The following DACH1 variants were observed in gnomAD, a reference collection of about 807,000 sequenced individuals.
DACH1 encodes dachshund homolog 1.
In DACH1, 12 loss-of-function variants were observed where a neutral mutation model predicts 54.2. The observed-to-expected ratio is 0.22, with a 90% confidence interval of 0.14 to 0.36. The LOEUF is 0.36. Ranked by LOEUF, DACH1 falls within the 10% of genes least tolerant of loss-of-function variation. DACH1 has a pLI of 1.00. For synonymous variants in DACH1, 386 were observed against 366.2 expected (o/e 1.05, Z -0.62); for missense variants, 805 against 929.8 (o/e 0.87, Z 1.75).
At chr13:71,658,350 G>A (rs1182643748) in intron 2 of DACH1, among the ~76,000 whole-genome samples, 1 of 152,136 alleles carries the variant, frequency 6.6e-6, no homozygotes, top group East Asian at 1.9e-4. Context: ...AGGAGTTTGA[G>A]ACTAGCCTGG....
chr13:71,670,718 A>T (rs572728430), intron 2 of DACH1, among the ~76,000 whole-genome samples: 2 of 152,220 alleles, frequency 1.3e-5, no homozygotes, highest in East Asian at 3.9e-4. Context: ...TAGCAATGGC[A>T]TTGAATAAGA....
At chr13:71,511,388 T>C (rs1880765630) in intron 6 of DACH1, among the ~76,000 whole-genome samples, 1 of 151,634 alleles carries the variant, frequency 6.6e-6, no homozygotes. Flanking sequence ...CCAAAAAAAA[T>C]GTAGTGATAT....
intron 3 of DACH1, among the ~76,000 whole-genome samples, chr13:71,608,076 T>C (rs932441964): frequency 6.7e-6 from 1 of 149,818 alleles, no homozygotes; most frequent in Non-Finnish European, 1.5e-5. Context: ...TATATATATA[T>C]AAAATGGGTA....
At chr13:71,672,651 G>A (rs182001106) in intron 2 of DACH1, among the ~76,000 whole-genome samples, 90 of 152,192 alleles carry the variant, frequency 5.9e-4, no homozygotes, top group Non-Finnish European at 1.0e-3. Flanking sequence ...AGTTTATCTT[G>A]CTTTGCACTA....
At chr13:71,625,787 G>A (rs1876599454) in intron 3 of DACH1, among the ~76,000 whole-genome samples, 1 of 151,948 alleles carries the variant, frequency 6.6e-6, no homozygotes, top group African/African-American at 2.4e-5. Context: ...TTCAGAAAGA[G>A]AAAATACTAA....
chr13:71,444,035 T>C (rs1228408029), intron 10 of DACH1, among the ~76,000 whole-genome samples: 1 of 152,176 alleles, frequency 6.6e-6, no homozygotes, highest in Non-Finnish European at 1.5e-5. Flanking sequence ...ATATGAGTAA[T>C]ATATAATTAT....
chr13:71,603,106 T>C (rs1474829318), intron 3 of DACH1, among the ~76,000 whole-genome samples: 2 of 152,028 alleles, frequency 1.3e-5, no homozygotes, highest in Non-Finnish European at 2.9e-5. Flanking sequence ...TTGTCTACAA[T>C]TTGGTAGTGA....
chr13:71,617,786 G>A (rs147188259), intron 3 of DACH1, among the ~76,000 whole-genome samples: 33 of 152,152 alleles, frequency 2.2e-4, no homozygotes, highest in African/African-American at 7.0e-4. Context: ...ACTCACGGAC[G>A]TAGGCTTGGC....
intron 2 of DACH1, among the ~76,000 whole-genome samples, chr13:71,653,829 T>A (rs892538918): frequency 1.3e-5 from 2 of 152,144 alleles, no homozygotes; most frequent in African/African-American, 4.8e-5. Flanking sequence ...CCAGAAAATA[T>A]GAAAAGAATC....
At chr13:71,624,422 C>T (rs1425708768) in intron 3 of DACH1, among the ~76,000 whole-genome samples, 1 of 151,734 alleles carries the variant, frequency 6.6e-6, no homozygotes, top group East Asian at 1.9e-4. Context: ...TATTAATTGA[C>T]AGCTATCAGT....
intron 8 of DACH1, among the ~76,000 whole-genome samples, chr13:71,477,104 A>ATTTTTTTTTTTTTTTTTT (rs565497537): frequency 2.3e-5 from 1 of 43,254 alleles, no homozygotes; most frequent in African/African-American, 8.6e-5. Flanking sequence ...ATATATATAT[A>ATTTTTTTTTTTTTTTTTT]TTTTTTTTTT....
intron 1 of DACH1, among the ~76,000 whole-genome samples, chr13:71,837,920 C>T (rs994475200): frequency 2.2e-4 from 31 of 143,012 alleles, no homozygotes; most frequent in African/African-American, 2.9e-4. Context: ...AACCAAACAC[C>T]GCATATTCTC....
intron 1 of DACH1, among the ~76,000 whole-genome samples, chr13:71,836,421 A>G (rs1566532746): frequency 1.3e-5 from 2 of 152,082 alleles, no homozygotes; most frequent in Admixed American, 6.6e-5. Context: ...CACAGACTTT[A>G]AAAAACGTGC....
Position 71,521,561 on chromosome 13 carries a change from G to A in DACH1, c.1571-32413C>T, listed in dbSNP as rs987278397. On this transcript the variant is annotated intron_variant, in intron 6 of 10. Transcript: ENST00000613252. ...CAAAATGATTCTTCAGTCTTTCAAA[G>A]GCAAGGTAACTGTTATTCCTATATG... Among the ~76,000 whole-genome samples the A allele has an allele frequency of 2.0e-5, 3 of 151,930 alleles. No homozygotes were observed. In the East Asian group the frequency reaches 5.8e-4, roughly 29 times the overall value.
intron 1 of DACH1, among the ~76,000 whole-genome samples, chr13:71,842,516 T>C (rs980677305): frequency 2.0e-5 from 3 of 152,142 alleles, no homozygotes; most frequent in Non-Finnish European, 4.4e-5. Context: ...AAGTTGAGAC[T>C]GCAATGAACT....
intron 1 of DACH1, among the ~76,000 whole-genome samples, chr13:71,770,839 C>G (rs904267976): frequency 6.6e-6 from 1 of 151,500 alleles, no homozygotes; most frequent in African/African-American, 2.4e-5. Context: ...CCAGGTGCCT[C>G]TTTCCCTCCA....
At chr13:71,566,592 C>T (rs1261263046) in intron 4 of DACH1, among the ~76,000 whole-genome samples, 1 of 152,068 alleles carries the variant, frequency 6.6e-6, no homozygotes, top group Non-Finnish European at 1.5e-5. Flanking sequence ...CAGTTCCCCC[C>T]AAATTCTCCA....
chr13:71,470,331 C>T (rs1411489786), intron 10 of DACH1, among the ~76,000 whole-genome samples: 1 of 145,064 alleles, frequency 6.9e-6, no homozygotes, highest in East Asian at 2.0e-4. Flanking sequence ...TTTTTTGAGA[C>T]AGAGTCTCGC....
intron 8 of DACH1, among the ~76,000 whole-genome samples, chr13:71,476,964 T>C (rs1000791271): frequency 4.0e-5 from 6 of 150,682 alleles, no homozygotes; most frequent in African/African-American, 1.5e-4. Flanking sequence ...TTTGATTTCT[T>C]ACTACAGATT....
Sources: allele counts gnomAD v4.1 joint callset (sites outside exome capture counted in the v4.1 genomes callset), GRCh38; gene constraint gnomAD v4.1.1; transcripts MANE v1.5; gene names NCBI Gene and HGNC (gene_info 2026-07-23, HGNC 2026-07-21).